Variants in AKAP6 observed in about 807,000 individuals in gnomAD.
AKAP6 encodes A-kinase anchor protein 6.
In AKAP6, 58 loss-of-function variants were observed where a neutral mutation model predicts 188.5. The ratio of observed to expected loss-of-function variants is 0.31; its 90% CI spans 0.25 to 0.38. AKAP6 has a LOEUF of 0.38. Among genes scored for constraint, AKAP6 ranks in the 10% least tolerant of loss-of-function variants. AKAP6 has a pLI of 1.00. For missense variants in AKAP6, 2,710 were observed against 2,740.0 expected (o/e 0.99, Z 0.24); for synonymous variants, 989 against 998.6 (o/e 0.99, Z 0.18).
intron 11 of AKAP6, among the ~76,000 whole-genome samples, chr14:32,760,204 C>T (rs1466967716): frequency 6.6e-6 from 1 of 152,258 alleles, no homozygotes; most frequent in Non-Finnish European, 1.5e-5. Context: ...TATTCTGACA[C>T]CCCTAGAAGT....
At chr14:32,358,138 A>C (rs1887543108) in intron 1 of AKAP6, among the ~76,000 whole-genome samples, 1 of 152,196 alleles carries the variant, frequency 6.6e-6, no homozygotes, top group African/African-American at 2.4e-5. Flanking sequence ...AAAGTATTAA[A>C]GCCTCAAGGG....
At chr14:32,774,352 GT>G (rs1482262839) in intron 12 of AKAP6, among the ~76,000 whole-genome samples, 5 of 152,142 alleles carry the variant, frequency 3.3e-5, no homozygotes, top group African/African-American at 1.2e-4. Flanking sequence ...AAAGTACATT[GT>G]TTACTTTTCC....
intron 3 of AKAP6, among the ~76,000 whole-genome samples, chr14:32,536,679 A>T (rs1049171876): frequency 3.3e-5 from 5 of 152,236 alleles, no homozygotes; most frequent in Non-Finnish European, 7.3e-5. Context: ...ATTTATATTC[A>T]GTACCTGAAA....
chr14:32,776,807 C>G (rs2033081663), intron 12 of AKAP6, among the ~76,000 whole-genome samples: 4 of 152,132 alleles, frequency 2.6e-5, no homozygotes, highest in Admixed American at 2.6e-4. Context: ...GACCTGTTTC[C>G]TAAACTCAAG....
intron 5 of AKAP6, among the ~76,000 whole-genome samples, chr14:32,580,698 C>A (rs1231871148): frequency 6.6e-6 from 1 of 151,888 alleles, no homozygotes; most frequent in Non-Finnish European, 1.5e-5. Flanking sequence ...TGCTATCCCT[C>A]CCCACTCCCC....
At chr14:32,756,095 C>G in intron 11 of AKAP6, among the ~76,000 whole-genome samples, 1 of 152,168 alleles carries the variant, frequency 6.6e-6, no homozygotes, top group East Asian at 1.9e-4. Context: ...GTGGGCTTGG[C>G]ACCTGGATTC....
At chr14:32,685,195 T>C (rs1889857514) in intron 8 of AKAP6, among the ~76,000 whole-genome samples, 1 of 151,256 alleles carries the variant, frequency 6.6e-6, no homozygotes, top group Admixed American at 6.6e-5. Flanking sequence ...GCCCAGGAGG[T>C]TGAGGCTGCA....
rs116785374 is a variant in AKAP6 at position 32,692,984 on chromosome 14, T to C, written c.2880-3006T>C. ...TTAACATTCTCTTTAGGAAATACTC[T>C]CTTGGGATCAATACTCTGTTTTTCA... is the stretch of plus-strand genomic sequence containing the variant. On this transcript the variant is annotated intron_variant, in intron 8 of 13. Transcript: ENST00000280979. Among the ~76,000 whole-genome samples, 480 of 152,272 alleles carry C rather than the reference T, an allele frequency of 3.2e-3. 1 individual carries two copies. Among genetic ancestry groups the C allele is most frequent in the African/African-American group, 0.011 (467 of 41,538 alleles).
At chr14:32,433,915 G>C in intron 2 of AKAP6, 98 bp downstream of exon 2, 1 of 1,191,478 alleles carries the variant, frequency 8.4e-7, no homozygotes, top group South Asian at 1.5e-5. Context: ...AATTGTCCAG[G>C]AAGAAAAGCA....
rs2034626118 is a variant in AKAP6 at position 32,824,538 on chromosome 14, T to C, written c.6725T>C (p.Leu2242Ser). Reference protein sequence around the residue: ...PQTSSGCAENLEFTPSKLDSE... With the variant: ...PQTSSGCAENSEFTPSKLDSE... The stretch of plus-strand genomic sequence containing the variant: ...ACTTCCAGTGGCTGTGCAGAAAACT[T>C]AGAGTTTACTCCTTCAAAGCTTGAC... Residue 2242 changes from leucine to serine, a missense_variant, in exon 13 of 14, where the codon TTA becomes TCA. By Grantham distance (145) the Leu-to-Ser change is moderately radical (BLOSUM62 -2). This residue lies in a region of AKAP6 where 2,473 missense variants were observed against 2,426.1 expected (regional missense o/e 1.02). Transcript: ENST00000280979. 3 of 1,613,818 alleles carry C rather than the reference T, an allele frequency of 1.9e-6. No individual in the cohort carries two copies. The highest frequency in any genetic ancestry group is 2.7e-5 in the African/African-American group (2 of 74,898).
Position 32,469,904 on chromosome 14 carries a change from A to G in AKAP6, c.324+36087A>G, listed in dbSNP as rs1878679773. Among the ~76,000 whole-genome samples the G allele has an allele frequency of 2.6e-5, 4 of 152,136 alleles. 1 individual carries two copies. In the South Asian group the frequency reaches 8.3e-4, roughly 32 times the overall value. On this transcript the variant is annotated intron_variant, in intron 2 of 13. Coordinates refer to ENST00000280979, the MANE Select transcript of AKAP6 (RefSeq NM_004274.5). ...GACATATTTTATCGCTTTTCAAATC[A>G]GATGTTTATCTTTTTATTTTCTAAT...
intron 1 of AKAP6, among the ~76,000 whole-genome samples, chr14:32,344,653 C>T (rs960083153): frequency 6.6e-6 from 1 of 152,120 alleles, no homozygotes; most frequent in African/African-American, 2.4e-5. Context: ...CAGTGGCTCA[C>T]ACATGTAATC....
chr14:32,577,056 A>G, intron 4 of AKAP6, 64 bp from the exon 5 acceptor site: 1 of 1,550,562 alleles, frequency 6.4e-7, no homozygotes, highest in Non-Finnish European at 8.7e-7. Context: ...TTGGCTTTTT[A>G]CAGAATAACC....
At chr14:32,528,573 G>A (rs1487464872) in intron 2 of AKAP6, among the ~76,000 whole-genome samples, 2 of 152,160 alleles carry the variant, frequency 1.3e-5, no homozygotes, top group African/African-American at 4.8e-5. Flanking sequence ...CTTGATTAAT[G>A]TAGCTTTGTA....
chr14:32,703,658 A>G (rs1053431406), intron 9 of AKAP6, among the ~76,000 whole-genome samples: 1 of 152,208 alleles, frequency 6.6e-6, no homozygotes. Flanking sequence ...GCTGTCACGG[A>G]AAAAGAAAAC....
chr14:32,573,908 T>A (rs779547161), intron 4 of AKAP6, among the ~76,000 whole-genome samples: 1 of 152,086 alleles, frequency 6.6e-6, no homozygotes, highest in Non-Finnish European at 1.5e-5. Context: ...TCTAAGCACA[T>A]CTCTTGATAG....
chr14:32,651,343 G>C (rs570060793), intron 7 of AKAP6, among the ~76,000 whole-genome samples: 1 of 152,248 alleles, frequency 6.6e-6, no homozygotes, highest in South Asian at 2.1e-4. Flanking sequence ...TTGTTTGACC[G>C]GCTCTTTGTC....
At chr14:32,378,404 A>G (rs923049890) in intron 1 of AKAP6, among the ~76,000 whole-genome samples, 5 of 152,164 alleles carry the variant, frequency 3.3e-5, no homozygotes, top group African/African-American at 1.2e-4. Flanking sequence ...TTCCATCTCC[A>G]TCCCTTCCCC....
chr14:32,609,880 G>GACACACACAC (rs71115085), intron 7 of AKAP6, among the ~76,000 whole-genome samples: 76 of 137,428 alleles, frequency 5.5e-4, no homozygotes, highest in East Asian at 4.1e-3. Context: ...CTCTCTCTCT[G>GACACACACAC]ACACACACAC....
Sources: gnomAD v4.1 joint callset for allele counts (sites outside exome capture counted in the v4.1 genomes callset) on GRCh38, gnomAD v4.1.1 for gene constraint, gnomAD v4.1.1 regional missense constraint, MANE v1.5 for transcripts, NCBI Gene and HGNC (gene_info 2026-07-23, HGNC 2026-07-21) for gene names.